Variants in IQANK1 observed in about 807,000 individuals in gnomAD.
The protein encoded by IQANK1 is IQ motif and ankyrin repeat domain-containing protein 1.
IQANK1 carries 30 observed loss-of-function variants against 22.6 expected under a neutral mutation model. The ratio of observed to expected loss-of-function variants is 1.33; its 90% CI spans 0.99 to 1.80. The LOEUF (loss-of-function observed/expected upper bound fraction) is 1.80. Ranked by LOEUF, IQANK1 falls within the 40% of genes most tolerant of loss-of-function variation. The probability of loss-of-function intolerance (pLI) is 0.00; values close to 1 mark genes in which losing one functional copy is unlikely to be tolerated. For missense variants in IQANK1, 275 were observed against 235.2 expected (o/e 1.17, Z -1.11); for synonymous variants, 122 against 99.6 (o/e 1.23, Z -1.34).
Position 143,785,285 on chromosome 8 carries a change from C to T in IQANK1, c.790-3630C>T, listed in dbSNP as rs1324977966. Among the ~76,000 whole-genome samples the T allele has an allele frequency of 3.6e-4, 41 of 113,924 alleles. No homozygotes were observed. In the South Asian group the frequency reaches 0.011, roughly 30 times the overall value. The allele number at this position is 113,924 out of a possible 152,430, so 74.7% of individuals were successfully genotyped here. A position where few individuals can be genotyped will look rare whatever the true frequency, so the allele number is the denominator to read the frequency against. On this transcript the variant is annotated intron_variant, in intron 7 of 13. Transcript: ENST00000527139. Reference sequence around the variant, plus strand: ...TTTTTTTTTTTTTTTGAGACAGAGTCTTCCTCTGTCACCCAGGCTAGAGTG... The same window carrying T: ...TTTTTTTTTTTTTTTGAGACAGAGTTTTCCTCTGTCACCCAGGCTAGAGTG...
intron 3 of IQANK1, among the ~76,000 whole-genome samples, chr8:143,751,625 AGTGTGTGTGT>A (rs1554628034): frequency 0.036 from 3,427 of 95,996 alleles, 224 homozygotes; most frequent in African/African-American, 0.11. Flanking sequence ...AAAAAAAAAA[AGTGTGTGTGT>A]GTGTGTGTGT....
chr8:143,773,306 A>AAAACAAAAAAAAC (rs1554629995), intron 7 of IQANK1, among the ~76,000 whole-genome samples: 30 of 138,458 alleles, frequency 2.2e-4, no homozygotes, highest in African/African-American at 1.0e-3. Context: ...GACTCAAAAA[A>AAAACAAAAAAAAC]AAAAAAAAAA....
chr8:143,780,143 T>A (rs1554630815), intron 7 of IQANK1, among the ~76,000 whole-genome samples: 1 of 152,170 alleles, frequency 6.6e-6, no homozygotes, highest in African/African-American at 2.4e-5. Flanking sequence ...CAGATCATCA[T>A]ATCCTGAATT....
chr8:143,773,691 C>T (rs1266457044), intron 7 of IQANK1, among the ~76,000 whole-genome samples: 1 of 152,150 alleles, frequency 6.6e-6, no homozygotes, highest in African/African-American at 2.4e-5. Context: ...CCCAGACTCT[C>T]CTCCTGTAGG....
At chr8:143,753,555 G>A (rs552013442) in intron 3 of IQANK1, among the ~76,000 whole-genome samples, 70 of 150,780 alleles carry the variant, frequency 4.6e-4, no homozygotes, top group Middle Eastern at 3.4e-3. Flanking sequence ...CCGGTTTCAA[G>A]TGATTCTCCT....
intron 3 of IQANK1, among the ~76,000 whole-genome samples, chr8:143,762,494 G>C (rs1819413851): frequency 6.6e-6 from 1 of 152,162 alleles, no homozygotes; most frequent in African/African-American, 2.4e-5. Context: ...GCTTCCAAAA[G>C]CTTCCCAGGT....
intron 3 of IQANK1, among the ~76,000 whole-genome samples, chr8:143,768,368 T>TG: frequency 6.6e-6 from 1 of 151,912 alleles, no homozygotes; most frequent in Non-Finnish European, 1.5e-5. Flanking sequence ...GATCACTTAG[T>TG]GGGGGGGTTT....
At position 143,740,160 on chromosome 8, in the gene IQANK1, C is replaced by A. The variant is rs528767053; in HGVS notation, c.175+212C>A. On this transcript the variant is annotated intron_variant, in intron 3 of 13. Coordinates refer to ENST00000527139, the MANE Select transcript of IQANK1 (RefSeq NM_001381874.1). ...CGCCCGAGCCCCTCCCGCCGCGCCCCGCTCTCGCCCACCTCCTGGTGCTCC... is the reference window on the plus strand; with the variant it reads ...CGCCCGAGCCCCTCCCGCCGCGCCCAGCTCTCGCCCACCTCCTGGTGCTCC... 5.8e-3 allele frequency among the ~76,000 whole-genome samples: 882 copies of A among 152,202 alleles called. 12 individuals carry two copies. The highest frequency in any genetic ancestry group is 0.02 in the African/African-American group (825 of 41,558).
chr8:143,758,338 C>T lies in IQANK1; in HGVS notation c.176-13150C>T, dbSNP rs1258530250. 1 of 152,278 alleles carries T rather than the reference C, an allele frequency of 6.6e-6. No homozygotes were observed. Among genetic ancestry groups the T allele is most frequent in the African/African-American group, 2.4e-5 (1 of 41,422 alleles). The allele number at this position is 152,278 out of a possible 1,614,324, so 9.4% of individuals were successfully genotyped here. A position where few individuals can be genotyped will look rare whatever the true frequency, so the allele number is the denominator to read the frequency against. ...AATTAGCTGGGCATGGTGGCACATG[C>T]CTGTAGTCCTAGCTACTCGAAGGCT... On this transcript the variant is annotated intron_variant, in intron 3 of 13. Coordinates refer to ENST00000527139, the MANE Select transcript of IQANK1 (RefSeq NM_001381874.1). This position sits in a 1 kb window ranked among gnomAD's most constrained non-coding sequence, Gnocchi z 4.2.
chr8:143,754,921 C>T (rs1372525429), intron 3 of IQANK1, among the ~76,000 whole-genome samples: 1 of 152,078 alleles, frequency 6.6e-6, no homozygotes, highest in Non-Finnish European at 1.5e-5. Flanking sequence ...CCACCGCGCC[C>T]AGCCAGGTAG....
At position 143,739,923 on chromosome 8, in the gene IQANK1, G is replaced by T; in HGVS notation, c.150G>T (p.Ser50=). ...KAGWQAREPA[S]AESPQAPTGP... is the part of the protein sequence containing the mutation. ...GCTGGCAGGCGAGGGAGCCCGCGTC[G>T]GCTGAGAGCCCACAGGCCCCCACAG... The change falls in exon 3 of 14, where the codon TCG becomes TCT. Residue 50 remains serine, a synonymous_variant. Transcript: ENST00000527139. 2.9e-6 allele frequency: 2 copies of T among 699,616 alleles called. No individual in the cohort carries two copies. Among genetic ancestry groups the T allele is most frequent in the Non-Finnish European group, 5.2e-6 (2 of 383,588 alleles). The allele number at this position is 699,616 out of a possible 1,614,324, so 43.3% of individuals were successfully genotyped here.
intron 3 of IQANK1, among the ~76,000 whole-genome samples, chr8:143,754,756 G>C (rs1819258165): frequency 1.3e-5 from 2 of 152,096 alleles, no homozygotes; most frequent in African/African-American, 4.8e-5. Context: ...CTCCTGAGCA[G>C]CTGGGACTAC....
intron 7 of IQANK1, among the ~76,000 whole-genome samples, chr8:143,787,898 G>A (rs1050049179): frequency 4.0e-5 from 6 of 151,834 alleles, no homozygotes; most frequent in Admixed American, 1.3e-4. Context: ...TGGCCCCGTC[G>A]CCAGGCCTGC....
At chr8:143,740,671 G>A (rs1360682201) in intron 3 of IQANK1, among the ~76,000 whole-genome samples, 1 of 152,214 alleles carries the variant, frequency 6.6e-6, no homozygotes, top group Admixed American at 6.5e-5. Flanking sequence ...GCCCCTGCTG[G>A]GCATGGGCCA....
intron 3 of IQANK1, among the ~76,000 whole-genome samples, chr8:143,747,963 CTTT>C (rs1819065593): frequency 7.2e-6 from 1 of 138,772 alleles, no homozygotes; most frequent in African/African-American, 3.1e-5. Context: ...CTTTCCTTTC[CTTT>C]CCTTTCCCTT....
chr8:143,766,673 GA>G lies in IQANK1; in HGVS notation c.176-4808del, dbSNP rs1312947173. Among the ~76,000 whole-genome samples the G allele has an allele frequency of 7.3e-5, 11 of 150,130 alleles. No homozygotes were observed. The East Asian group carries it at 1.9e-3, about 27-fold the overall frequency. ...GTGACGGTGCGAGATTCTGTCTCACGAAAAAAAGAAAAAAAAAAGAACGTAC... is the reference window on the plus strand; with the variant it reads ...GTGACGGTGCGAGATTCTGTCTCACGAAAAAAGAAAAAAAAAAGAACGTAC... On this transcript the variant is annotated intron_variant, in intron 3 of 13. Transcript: ENST00000527139.
In IQANK1 at chr8:143,751,664, G is replaced by GTATATATATA. The variant is rs71318622; in HGVS notation, c.175+11721_175+11730dup. 3.7e-4 allele frequency among the ~76,000 whole-genome samples: 23 copies of GTATATATATA among 61,544 alleles called. 1 individual carries two copies. The highest frequency in any genetic ancestry group is 7.4e-4 in the African/African-American group (17 of 22,856). The allele number at this position is 61,544 out of a possible 152,430, so 40.4% of individuals were successfully genotyped here. A position where few individuals can be genotyped will look rare whatever the true frequency, so the allele number is the denominator to read the frequency against. On this transcript the variant is annotated intron_variant, in intron 3 of 13. Coordinates refer to ENST00000527139, the MANE Select transcript of IQANK1 (RefSeq NM_001381874.1). ...TGTGTGTGTGTGTGTGTGTGTGTGT[G>GTATATATATA]TATATATATATATAAAATCCTATAC...
rs1818695805 is a variant in IQANK1, at chr8:143,735,127, C to T, written c.-4-723C>T. Among the ~76,000 whole-genome samples the T allele has an allele frequency of 6.6e-6, 1 of 152,236 alleles. No homozygotes were observed. The highest frequency in any genetic ancestry group is 1.5e-5 in the Non-Finnish European group (1 of 68,050). On this transcript the variant is annotated intron_variant, in intron 1 of 13. Transcript: ENST00000527139. This position sits in a 1 kb window ranked among gnomAD's most constrained non-coding sequence, Gnocchi z 5.2. ...TTCATTTGTTCTTTCCCCAAACACT[C>T]AGTGCCACCCCACTGGTACCAGCAT... is the stretch of plus-strand genomic sequence containing the variant.
chr8:143,789,124 C>T (rs899230589), intron 8 of IQANK1, 61 bp downstream of exon 8: 6 of 401,528 alleles, frequency 1.5e-5, no homozygotes, highest in African/African-American at 2.1e-5. Flanking sequence ...GCAGGGAGCC[C>T]GGGCAGGGGG....
Sources: allele counts gnomAD v4.1 joint callset (sites outside exome capture counted in the v4.1 genomes callset), GRCh38; gene constraint gnomAD v4.1.1; non-coding constraint Gnocchi (gnomAD v3.1); transcripts MANE v1.5; gene names NCBI Gene and HGNC (gene_info 2026-07-23, HGNC 2026-07-21).